CTNNA2: variants seen among roughly 807,000 people sequenced by gnomAD.
The protein encoded by CTNNA2 is catenin alpha 2.
In CTNNA2, 42 loss-of-function variants were observed where a neutral mutation model predicts 101.0. The ratio of observed to expected loss-of-function variants is 0.42; its 90% CI spans 0.32 to 0.54. CTNNA2 has a LOEUF of 0.54. Among genes scored for constraint, CTNNA2 ranks in the 20% least tolerant of loss-of-function variants. CTNNA2 has a pLI of 0.14. For synonymous variants in CTNNA2, 450 were observed against 456.4 expected (o/e 0.99, Z 0.18); for missense variants, 871 against 1,223.1 (o/e 0.71, Z 4.29).
chr2:79,805,436 A>G (rs1676494396), intron 3 of CTNNA2, among the ~76,000 whole-genome samples: 1 of 152,216 alleles, frequency 6.6e-6, no homozygotes, highest in Admixed American at 6.5e-5. Context: ...ACATGAGGTC[A>G]GGTGTGAAAT....
chr2:79,920,549 T>G (rs769393789), intron 7 of CTNNA2, among the ~76,000 whole-genome samples: 6 of 152,188 alleles, frequency 3.9e-5, no homozygotes, highest in Non-Finnish European at 8.8e-5. Flanking sequence ...TCTCCTCTAA[T>G]AATAAAGAAA....
intron 7 of CTNNA2, chr2:80,305,200 G>A (rs893588232): frequency 1.1e-5 from 11 of 985,330 alleles, no homozygotes; most frequent in Non-Finnish European, 1.3e-5. Context: ...CCCCTCTTGC[G>A]GGTACTGGAA....
Position 80,041,269 on chromosome 2 carries a change from AT to A in CTNNA2, c.1056+131485del, listed in dbSNP as rs879379818. Among the ~76,000 whole-genome samples the A allele has an allele frequency of 2.2e-3, 313 of 143,362 alleles. 1 individual carries two copies. Among genetic ancestry groups the A allele is most frequent in the Middle Eastern group, 3.6e-3 (1 of 278 alleles). 94.1% of individuals were successfully genotyped at this position (143,362 alleles called of 152,430 possible). A position where few individuals can be genotyped will look rare whatever the true frequency, so the allele number is the denominator to read the frequency against. On this transcript the variant is annotated intron_variant, in intron 7 of 18. Coordinates refer to ENST00000402739, the MANE Select transcript of CTNNA2 (RefSeq NM_001282597.3). ...TAGGAAAGGAGGCAGAGTAATTTTTATTTTTTTTTTTTTACTTATCGGCTAC... is the reference window on the plus strand; with the variant it reads ...TAGGAAAGGAGGCAGAGTAATTTTTATTTTTTTTTTTTACTTATCGGCTAC...
intron 7 of CTNNA2, among the ~76,000 whole-genome samples, chr2:80,238,690 A>G (rs1709670806): frequency 6.6e-6 from 1 of 152,220 alleles, no homozygotes. Context: ...CGTAAAAGTT[A>G]AAGAGCACTT....
chr2:79,681,601 A>T (rs1307299144), intron 2 of CTNNA2, among the ~76,000 whole-genome samples: 1 of 152,212 alleles, frequency 6.6e-6, no homozygotes, highest in Non-Finnish European at 1.5e-5. Context: ...AGCAGAATGA[A>T]ATATGGAACA....
At chr2:79,636,375 G>T (rs1246410799) in intron 1 of CTNNA2, among the ~76,000 whole-genome samples, 1 of 151,730 alleles carries the variant, frequency 6.6e-6, no homozygotes, top group Admixed American at 6.6e-5. Context: ...GACCACACGG[G>T]CACTAGAGCA....
chr2:79,785,398 C>T (rs763469781), intron 3 of CTNNA2, among the ~76,000 whole-genome samples: 1 of 152,122 alleles, frequency 6.6e-6, no homozygotes, highest in Non-Finnish European at 1.5e-5. Flanking sequence ...TCTTGTGACC[C>T]TAACTTAACT....
intron 9 of CTNNA2, among the ~76,000 whole-genome samples, chr2:80,527,111 C>T (rs925954527): frequency 6.6e-6 from 1 of 152,144 alleles, no homozygotes; most frequent in South Asian, 2.1e-4. Flanking sequence ...CACTCTTACC[C>T]AGAATATTCA....
At chr2:79,990,520 G>A (rs1038336859) in intron 7 of CTNNA2, among the ~76,000 whole-genome samples, 1 of 152,118 alleles carries the variant, frequency 6.6e-6, no homozygotes, top group Non-Finnish European at 1.5e-5. Flanking sequence ...TACTAGCTGT[G>A]TGATGTTTGG....
At chr2:79,467,822 A>G (rs183740936) in intron 4 of CTNNA2, among the ~76,000 whole-genome samples, 13 of 152,334 alleles carry the variant, frequency 8.5e-5, no homozygotes, top group African/African-American at 2.6e-4. Context: ...CAGACAAGCA[A>G]ATGCTGAGAG....
At chr2:80,019,683 G>T (rs892833320) in intron 7 of CTNNA2, among the ~76,000 whole-genome samples, 1 of 152,200 alleles carries the variant, frequency 6.6e-6, no homozygotes, top group Admixed American at 6.5e-5. Context: ...CCTGATGACA[G>T]TTGGACATCT....
intron 2 of CTNNA2, among the ~76,000 whole-genome samples, chr2:79,231,859 A>G (rs537525022): frequency 1.3e-3 from 203 of 152,226 alleles, no homozygotes; most frequent in African/African-American, 4.6e-3. Flanking sequence ...ATTCTCATCT[A>G]GAATGTTACT....
intron 4 of CTNNA2, among the ~76,000 whole-genome samples, chr2:79,380,470 C>G (rs531533044): frequency 6.6e-6 from 1 of 152,022 alleles, no homozygotes; most frequent in East Asian, 1.9e-4. Context: ...TGTGGCAGCC[C>G]CTCCCAATCC....
intron 4 of CTNNA2, among the ~76,000 whole-genome samples, chr2:79,428,652 G>A (rs1678618178): frequency 6.6e-6 from 1 of 152,096 alleles, no homozygotes. Context: ...GAAGTTTACA[G>A]GATCTGTGTA....
intron 1 of CTNNA2, chr2:79,574,295 G>A (rs1271727853): frequency 1.3e-5 from 2 of 152,098 alleles, no homozygotes; most frequent in Non-Finnish European, 2.9e-5. Context: ...TGGGGGTTTG[G>A]TGTACAGATT....
chr2:80,619,157 C>A lies in CTNNA2; in HGVS notation c.2503C>A (p.Gln835Lys). Reference sequence around the variant, plus strand: ...TGTCATAGATGGGGGCAGGGCTAGTCAACTTTCTACCCACCTCCCAACCTG... The same window carrying A: ...TGTCATAGATGGGGGCAGGGCTAGTAAACTTTCTACCCACCTCCCAACCTG... ...CDVIDGGRASQLSTHLPTCAE... is the reference protein window; with the variant it reads ...CDVIDGGRASKLSTHLPTCAE... The change falls in exon 18 of 19, where the codon CAA becomes AAA. Residue 835 changes from glutamine to lysine, a missense_variant. Around this residue, in one of 5 missense-constraint regions of CTNNA2, gnomAD observed 65 missense variants for 53.3 expected, o/e 1.22. Transcript: ENST00000402739. The A allele has an allele frequency of 6.4e-7, 1 of 1,572,866 alleles. No homozygotes were observed. The highest frequency in any genetic ancestry group is 8.6e-7 in the Non-Finnish European group (1 of 1,158,398).
intron 7 of CTNNA2, among the ~76,000 whole-genome samples, chr2:80,112,360 A>T (rs1017981643): frequency 6.6e-6 from 1 of 152,228 alleles, no homozygotes; most frequent in African/African-American, 2.4e-5. Flanking sequence ...TGCAACAGAG[A>T]TCATAAAAAA....
intron 7 of CTNNA2, among the ~76,000 whole-genome samples, chr2:79,974,118 A>G (rs946255144): frequency 6.6e-6 from 1 of 152,098 alleles, no homozygotes; most frequent in Non-Finnish European, 1.5e-5. Flanking sequence ...ACAGATAACT[A>G]CATTTTGAAT....
intron 9 of CTNNA2, among the ~76,000 whole-genome samples, chr2:80,440,012 A>G (rs934401008): frequency 9.9e-5 from 15 of 152,226 alleles, no homozygotes; most frequent in Admixed American, 9.8e-4. Context: ...CAAAATAAAT[A>G]TATAACTTAT....
Sources: gnomAD v4.1 joint callset for allele counts (sites outside exome capture counted in the v4.1 genomes callset) on GRCh38, gnomAD v4.1.1 for gene constraint, gnomAD v4.1.1 regional missense constraint, MANE v1.5 for transcripts, NCBI Gene and HGNC (gene_info 2026-07-23, HGNC 2026-07-21) for gene names.